GSR: variants seen among roughly 807,000 people sequenced by gnomAD.
GSR encodes glutathione-disulfide reductase.
A neutral mutation model predicts 56.5 loss-of-function variants in GSR; 48 were observed. That is an observed-to-expected ratio of 0.85 (90% confidence interval 0.67 to 1.08). The LOEUF (loss-of-function observed/expected upper bound fraction) is 1.08. Among genes scored for constraint, GSR ranks in the 50% least tolerant of loss-of-function variants. GSR has a pLI of 0.00. For synonymous variants in GSR, 264 were observed against 270.8 expected, an observed-to-expected ratio of 0.97 and a Z score of 0.25; for missense variants, 694 against 703.3, an observed-to-expected ratio of 0.99 and a Z score of 0.15.
At chr8:30,719,669 G>A (rs538228882) in intron 1 of GSR, among the ~76,000 whole-genome samples, 120 of 152,092 alleles carry the variant, frequency 7.9e-4, no homozygotes, top group Admixed American at 1.4e-3. Flanking sequence ...AACCAATCTA[G>A]TGTTCAGAAC....
chr8:30,697,646 C>G (rs759389150), intron 6 of GSR, among the ~76,000 whole-genome samples: 20 of 151,936 alleles, frequency 1.3e-4, no homozygotes, highest in Non-Finnish European at 2.5e-4. Context: ...AAAGAAAAAT[C>G]CCTAATATCC....
intron 10 of GSR, among the ~76,000 whole-genome samples, chr8:30,682,977 G>T (rs763528136): frequency 1.1e-4 from 17 of 151,990 alleles, no homozygotes; most frequent in Non-Finnish European, 1.8e-4. Context: ...ACAGGCGTGT[G>T]CCACCACGCC....
chr8:30,715,750 T>C (rs574978843), intron 1 of GSR, among the ~76,000 whole-genome samples: 1 of 152,188 alleles, frequency 6.6e-6, no homozygotes, highest in African/African-American at 2.4e-5. Flanking sequence ...CCAAGAATCA[T>C]CAAAAGCAAT....
At chr8:30,723,351 G>C (rs1367225925) in intron 1 of GSR, among the ~76,000 whole-genome samples, 1 of 152,098 alleles carries the variant, frequency 6.6e-6, no homozygotes, top group South Asian at 2.1e-4. Flanking sequence ...TTCAAGCAAG[G>C]CTCAGTGGTA....
chr8:30,719,156 A>T, intron 1 of GSR, among the ~76,000 whole-genome samples: 1 of 136,718 alleles, frequency 7.3e-6, no homozygotes, highest in East Asian at 2.2e-4. Context: ...CATCAGGCTG[A>T]AGTGCAGTGG....
At position 30,703,222 on chromosome 8, in the gene GSR, G is replaced by A. The variant is rs751994417; in HGVS notation, c.511C>T (p.Arg171Cys). The A allele has an allele frequency of 3.3e-5, 53 of 1,613,826 alleles. No individual in the cohort carries two copies. Among genetic ancestry groups the A allele is most frequent in the Middle Eastern group, 1.6e-4 (1 of 6,084 alleles). The change falls in exon 5 of 13, where the codon CGT becomes TGT. Residue 171 changes from arginine to cysteine, a missense_variant. Transcript: ENST00000221130. ...TCACTCGTGAAGGCTGCATGGCCACGGATGATTTCTATATGGGACTAAAGA... is the reference window on the plus strand; with the variant it reads ...TCACTCGTGAAGGCTGCATGGCCACAGATGATTTCTATATGGGACTAAAGA... ...NLTKSHIEII[R>C]GHAAFTSDPK...
chr8:30,680,391 T>G (rs1178076746), intron 12 of GSR, among the ~76,000 whole-genome samples: 13 of 144,678 alleles, frequency 9.0e-5, no homozygotes, highest in Admixed American at 2.1e-4. Context: ...GTTTTTTTTT[T>G]TTTTTTTTTT....
intron 4 of GSR, among the ~76,000 whole-genome samples, chr8:30,706,452 G>A (rs903892576): frequency 6.6e-5 from 10 of 152,076 alleles, no homozygotes; most frequent in African/African-American, 1.4e-4. Flanking sequence ...GCAGTGAGCC[G>A]AGATCACATC....
Position 30,678,652 on chromosome 8 carries a change from G to A in GSR, c.*868C>T, listed in dbSNP as rs970851120. ...GCTAGAATTACAGGCCTGAGCCACC[G>A]TGCCTTGCCACAAACTATTTTTAAT... On this transcript the variant is annotated 3_prime_UTR_variant, in exon 13 of 13. Transcript: ENST00000221130. The A allele has an allele frequency of 1.3e-5, 2 of 151,596 alleles. No individual in the cohort carries two copies. Among genetic ancestry groups the A allele is most frequent in the African/African-American group, 2.4e-5 (1 of 41,242 alleles). 9.4% of individuals were successfully genotyped at this position (151,596 alleles called of 1,614,324 possible). A position where few individuals can be genotyped will look rare whatever the true frequency, so the allele number is the denominator to read the frequency against.
intron 1 of GSR, among the ~76,000 whole-genome samples, chr8:30,716,819 T>A (rs8190915): frequency 1.3e-5 from 2 of 151,640 alleles, no homozygotes; most frequent in African/African-American, 4.8e-5. Context: ...AAAATACACA[T>A]ACACTTAGTT....
At chr8:30,716,996 G>A (rs1395651992) in intron 1 of GSR, among the ~76,000 whole-genome samples, 2 of 152,060 alleles carry the variant, frequency 1.3e-5, no homozygotes, top group East Asian at 3.9e-4. Context: ...CCAGCACTTC[G>A]GGAGGCCGAG....
chr8:30,709,728 C>A (rs562426643), intron 3 of GSR, 86 bp downstream of exon 3: 296 of 774,884 alleles, frequency 3.8e-4, no homozygotes, highest in Admixed American at 6.8e-4. Context: ...GCAATTCCTC[C>A]TCCATCCCTA....
intron 11 of GSR, 21 bp from the exon 12 acceptor site, chr8:30,681,058 A>C (rs747677831): frequency 6.9e-6 from 11 of 1,592,270 alleles, no homozygotes; most frequent in Non-Finnish European, 6.9e-6. Context: ...CATTAAAAAA[A>C]GCATCTATCA....
intron 9 of GSR, among the ~76,000 whole-genome samples, chr8:30,688,438 G>C (rs1342071578): frequency 2.0e-5 from 3 of 151,768 alleles, no homozygotes; most frequent in African/African-American, 7.3e-5. Context: ...AATTAGCCAG[G>C]TGTGGTGGCA....
intron 1 of GSR, among the ~76,000 whole-genome samples, chr8:30,716,815 C>A (rs1403116704): frequency 6.6e-6 from 1 of 151,876 alleles, no homozygotes; most frequent in Non-Finnish European, 1.5e-5. Context: ...TCAAAAAATA[C>A]ACATACACTT....
chr8:30,711,630 G>A (rs1239493309), intron 2 of GSR, among the ~76,000 whole-genome samples: 2 of 152,048 alleles, frequency 1.3e-5, no homozygotes, highest in Non-Finnish European at 2.9e-5. Flanking sequence ...TCAGGAGTTC[G>A]AGACCAGCCT....
chr8:30,709,759 A>G (rs1804061372), intron 3 of GSR, 55 bp downstream of exon 3: 2 of 999,620 alleles, frequency 2.0e-6, no homozygotes, highest in Admixed American at 3.4e-5. Context: ...TGGCTCAGTT[A>G]TAAAAGAAAA....
chr8:30,718,193 T>C (rs1804403183), intron 1 of GSR, among the ~76,000 whole-genome samples: 2 of 152,150 alleles, frequency 1.3e-5, no homozygotes, highest in Non-Finnish European at 2.9e-5. Flanking sequence ...CCACTGCTGG[T>C]CCGTGGAAAA....
intron 10 of GSR, among the ~76,000 whole-genome samples, chr8:30,682,894 C>G (rs1803006716): frequency 6.6e-6 from 1 of 151,742 alleles, no homozygotes; most frequent in African/African-American, 2.4e-5. Flanking sequence ...GTGGCGCCAT[C>G]TCAGCTCGCT....
Sources: gnomAD v4.1 joint callset for allele counts (sites outside exome capture counted in the v4.1 genomes callset) on GRCh38, gnomAD v4.1.1 for gene constraint, MANE v1.5 for transcripts, NCBI Gene and HGNC (gene_info 2026-07-23, HGNC 2026-07-21) for gene names.